The following MTMR1 variants were observed in gnomAD, a reference collection of about 807,000 sequenced individuals.
MTMR1 encodes phosphatidylinositol-3-phosphate phosphatase MTMR1.
A neutral mutation model predicts 51.6 loss-of-function variants in MTMR1; 17 were observed. The observed-to-expected ratio is 0.33, with a 90% CI of 0.23 to 0.49. The LOEUF (loss-of-function observed/expected upper bound fraction) is 0.49, where lower values mean the gene tolerates loss of function less well. Among genes scored for constraint, MTMR1 ranks in the 20% least tolerant of loss-of-function variants. The probability of loss-of-function intolerance (pLI) is 0.99; values close to 1 mark genes in which losing one functional copy is unlikely to be tolerated. For synonymous variants in MTMR1, 201 were observed against 205.6 expected (o/e 0.98, Z 0.19); for missense variants, 386 against 526.9 (o/e 0.73, Z 2.62).
intron 15 of MTMR1, among the ~76,000 whole-genome samples, chrX:150,761,868 A>G (rs2043143842): frequency 8.9e-6 from 1 of 112,212 alleles, no homozygotes; most frequent in Non-Finnish European, 1.9e-5. Context: ...GATGTCCCAT[A>G]TGCCCCGGGA....
At chrX:150,710,566 G>T (rs2041273592) in intron 2 of MTMR1, among the ~76,000 whole-genome samples, 4 of 111,257 alleles carry the variant, frequency 3.6e-5, no homozygotes, top group Admixed American at 1.9e-4. Flanking sequence ...TCACCATGTT[G>T]GTCAGGCTGG....
intron 4 of MTMR1, among the ~76,000 whole-genome samples, chrX:150,718,930 A>G (rs1017879620): frequency 1.8e-5 from 2 of 110,848 alleles, no homozygotes; most frequent in Non-Finnish European, 3.8e-5. Flanking sequence ...CCAACAGAAG[A>G]GGGGCCTGAC....
At position 150,727,288 on chromosome X, in the gene MTMR1, G is replaced by A; in HGVS notation, c.426G>A (p.Leu142=). 8.3e-7 allele frequency: 1 copy of A among 1,207,222 alleles called. No homozygotes were observed. Among genetic ancestry groups the A allele is most frequent in the Non-Finnish European group, 1.1e-6 (1 of 892,113 alleles). The change falls in exon 5 of 16, where the codon CTG becomes CTA. Residue 142 remains leucine (L), a synonymous_variant. Coordinates refer to ENST00000445323, the MANE Select transcript of MTMR1 (RefSeq NM_001306144.3). ...SGTLTVTDFK[L]YFKNVERDPH... is the part of the protein sequence containing the mutation. ...CCCTGACAGTGACGGACTTTAAGCTGTACTTCAAAAATGTCGAGAGGGTGA... is the reference window on the plus strand; with the variant it reads ...CCCTGACAGTGACGGACTTTAAGCTATACTTCAAAAATGTCGAGAGGGTGA...
chrX:150,740,940 G>A (rs782739283), intron 12 of MTMR1, among the ~76,000 whole-genome samples: 1 of 111,103 alleles, frequency 9.0e-6, no homozygotes, highest in Non-Finnish European at 1.9e-5. Context: ...CATCCAAGGA[G>A]GGATTAATTT....
chrX:150,706,608 C>A (rs1377361375), intron 2 of MTMR1, among the ~76,000 whole-genome samples: 9 of 111,665 alleles, frequency 8.1e-5, no homozygotes, highest in African/African-American at 2.9e-4. Context: ...TTAAAGAAAT[C>A]AAAGAAGATC....
chrX:150,755,729 A>G lies in MTMR1; in HGVS notation c.1721A>G (p.Asn574Ser), dbSNP rs989305299. Residue 574 changes from asparagine to serine, a missense_variant, in exon 15 of 16, where the codon AAT (asparagine) becomes AGT (serine). Transcript: ENST00000445323. The stretch of plus-strand genomic sequence containing the variant: ...ACGATATCTTTATGGTCGTATATCA[A>G]TAGCCAGCTAGACGAGTTTTCTAAT... ...TKTISLWSYI[N>S]SQLDEFSNPF... is the part of the protein sequence containing the mutation. 5 of 1,203,475 alleles carry G rather than the reference A, an allele frequency of 4.2e-6. No homozygotes were observed. The African/African-American group carries it at 5.3e-5, about 13-fold the overall frequency.
intron 15 of MTMR1, among the ~76,000 whole-genome samples, chrX:150,758,724 G>A (rs2148677669): frequency 9.2e-6 from 1 of 108,938 alleles, no homozygotes; most frequent in South Asian, 4.1e-4. Flanking sequence ...CTGGGAGGCG[G>A]AGGTTGTAGT....
intron 14 of MTMR1, 116 bp from the exon 15 acceptor site, chrX:150,755,573 C>G: frequency 3.6e-6 from 2 of 550,966 alleles, no homozygotes; most frequent in South Asian, 7.3e-5. Context: ...AGTAGACATT[C>G]ATGAATTTTT....
chrX:150,747,709 G>T lies in MTMR1; in HGVS notation c.1567-3021G>T, dbSNP rs1002937946. On this transcript the variant is annotated intron_variant, in intron 13 of 15. Transcript: ENST00000445323. ...GGCAGTCTTGACCCAACATGAGTAG[G>T]TGGAGCCTTTGTTTTCCAGTTTTCA... Among the ~76,000 whole-genome samples, 3 of 111,082 alleles carry T rather than the reference G, an allele frequency of 2.7e-5. No homozygotes were observed. The South Asian group carries it at 1.2e-3, about 43-fold the overall frequency.
chrX:150,738,906 G>A (rs797041336), intron 12 of MTMR1, among the ~76,000 whole-genome samples: 2 of 112,143 alleles, frequency 1.8e-5, no homozygotes, highest in South Asian at 7.4e-4. Flanking sequence ...ATCTGATGGG[G>A]CATTCTTGGG....
At chrX:150,750,995 C>T (rs782545187) in intron 14 of MTMR1, 152 bp downstream of exon 14, 1 of 1,130,705 alleles carries the variant, frequency 8.8e-7, no homozygotes, top group East Asian at 3.2e-5. Context: ...GCCAGCCCCA[C>T]CGCATGTGTC....
intron 14 of MTMR1, among the ~76,000 whole-genome samples, chrX:150,753,647 T>C (rs1402493094): frequency 8.9e-6 from 1 of 112,488 alleles, no homozygotes; most frequent in Non-Finnish European, 1.9e-5. Flanking sequence ...CCTTAGTTCA[T>C]TTTAAAATTG....
intron 2 of MTMR1, among the ~76,000 whole-genome samples, chrX:150,704,717 G>C (rs1453605600): frequency 1.8e-5 from 2 of 111,993 alleles, no homozygotes; most frequent in African/African-American, 6.5e-5. Context: ...CTACCTAGAA[G>C]TAATGAAGTA....
At position 150,732,621 on chromosome X, in the gene MTMR1, G is replaced by T. The variant is rs147199342; in HGVS notation, c.971G>T (p.Arg324Leu). Residue 324 changes from arginine (R) to leucine (L), a missense_variant, in exon 10 of 16, where the codon CGC becomes CTC. Physicochemically the swap from Arg to Leu is moderately radical, Grantham distance 102. Coordinates refer to ENST00000445323, the MANE Select transcript of MTMR1 (RefSeq NM_001306144.3). ...SQPLVGPNDK[R>L]CKEDEKYLQT... ...CCACTTGTGGGTCCCAATGATAAGCGCTGCAAAGAGGATGAAAAATACTTG... is the reference window on the plus strand; with the variant it reads ...CCACTTGTGGGTCCCAATGATAAGCTCTGCAAAGAGGATGAAAAATACTTG... 4.1e-6 allele frequency: 5 copies of T among 1,209,558 alleles called. No individual in the cohort carries two copies. In the African/African-American group the frequency reaches 7.0e-5, roughly 17 times the overall value.
intron 12 of MTMR1, among the ~76,000 whole-genome samples, chrX:150,737,745 G>T (rs782754832): frequency 1.8e-5 from 2 of 111,931 alleles, no homozygotes; most frequent in African/African-American, 6.5e-5. Context: ...TAAATTCACA[G>T]TATTATGTAA....
intron 15 of MTMR1, among the ~76,000 whole-genome samples, chrX:150,757,568 A>G (rs1557417806): frequency 8.9e-6 from 1 of 112,037 alleles, no homozygotes; most frequent in Non-Finnish European, 1.9e-5. Flanking sequence ...TCCTGGCTGC[A>G]GGGGTGCTCC....
intron 12 of MTMR1, among the ~76,000 whole-genome samples, chrX:150,740,912 C>T (rs1408945125): frequency 5.4e-5 from 6 of 110,335 alleles, no homozygotes; most frequent in Non-Finnish European, 1.1e-4. Flanking sequence ...TAATAGAGAA[C>T]TCACTCACAC....
Position 150,729,658 on chromosome X carries a change from C to T in MTMR1, c.556-451C>T, listed in dbSNP as rs73622468. Among the ~76,000 whole-genome samples the T allele has an allele frequency of 4.6e-3, 512 of 112,161 alleles. 4 individuals are homozygous for T. Among genetic ancestry groups the T allele is most frequent in the African/African-American group, 0.015 (465 of 30,843 alleles). ...ACTCATTTCAGGCACCCACTGTGGC[C>T]GATTTCTAATGTAACCCTCCACAGA... On this transcript the variant is annotated intron_variant, in intron 6 of 15. Transcript: ENST00000445323.
intron 3 of MTMR1, among the ~76,000 whole-genome samples, chrX:150,718,363 A>T (rs1329305290): frequency 1.8e-5 from 2 of 111,898 alleles, no homozygotes; most frequent in African/African-American, 6.5e-5. Context: ...CTGTCATGTC[A>T]AGCCATTTCT....
Sources: gnomAD v4.1 joint callset for allele counts (sites outside exome capture counted in the v4.1 genomes callset) on GRCh38, gnomAD v4.1.1 for gene constraint, MANE v1.5 for transcripts, NCBI Gene and HGNC (gene_info 2026-07-23, HGNC 2026-07-21) for gene names.